Variants in ETFB observed in about 807,000 individuals in gnomAD.
The protein encoded by ETFB is electron transfer flavoprotein subunit beta.
In ETFB, 20 loss-of-function variants were observed where a neutral mutation model predicts 25.6. The observed-to-expected ratio is 0.78, with a 90% CI of 0.55 to 1.14. ETFB has a LOEUF of 1.14. ETFB is among the 50% of genes most tolerant of loss of function. The probability of loss-of-function intolerance (pLI) is 0.00; values close to 1 mark genes in which losing one functional copy is unlikely to be tolerated. For synonymous variants in ETFB, 142 were observed against 146.7 expected, an observed-to-expected ratio of 0.97 and a Z score of 0.23; for missense variants, 286 against 342.6, an observed-to-expected ratio of 0.83 and a Z score of 1.30.
chr19:51,351,652 C>T (rs1043834822), intron 3 of ETFB, among the ~76,000 whole-genome samples: 3 of 152,206 alleles, frequency 2.0e-5, no homozygotes, highest in East Asian at 1.9e-4. Flanking sequence ...GCCTGTTCTC[C>T]GGGTAGGCCC....
In ETFB at chr19:51,354,309, C is replaced by T. The variant is rs1488101114; in HGVS notation, c.58-1G>A. The T allele has an allele frequency of 1.2e-6, 2 of 1,614,038 alleles. No individual in the cohort carries two copies. The highest frequency in any genetic ancestry group is 1.7e-5 in the Admixed American group (1 of 60,008). On this transcript the variant is annotated splice_acceptor_variant, in intron 1 of 5. Coordinates refer to ENST00000309244, the MANE Select transcript of ETFB (RefSeq NM_001985.3). LOFTEE classifies it high-confidence loss of function. ...CGGTCCTGTCAGGCTTCACTCGGAT[C>T]TGCCCAGCAGGAGGGGAAGGGGTGG...
intron 3 of ETFB, among the ~76,000 whole-genome samples, chr19:51,352,224 G>A (rs2123584715): frequency 6.6e-6 from 1 of 152,086 alleles, no homozygotes; most frequent in South Asian, 2.1e-4. Context: ...AAGCCCAGGG[G>A]GGCTCTTTCT....
chr19:51,365,816 T>A (rs567210960), intron 1 of ETFB, among the ~76,000 whole-genome samples: 10 of 152,362 alleles, frequency 6.6e-5, no homozygotes, highest in African/African-American at 2.4e-4. Flanking sequence ...CACAGGACCC[T>A]GTCTGACTCC....
Position 51,354,304 on chromosome 19 carries a change from C to T in ETFB, c.62G>A (p.Arg21Gln), listed in dbSNP as rs369216610. The change falls in exon 2 of 6, where the codon CGA becomes CAA. Residue 21 changes from arginine (R) to glutamine (Q), a missense_variant. Coordinates refer to ENST00000309244, the MANE Select transcript of ETFB (RefSeq NM_001985.3). ...KRVIDYAVKI[R>Q]VKPDRTGVVT... is the part of the protein sequence containing the mutation. ...CACACCGGTCCTGTCAGGCTTCACTCGGATCTGCCCAGCAGGAGGGGAAGG... is the reference window on the plus strand; with the variant it reads ...CACACCGGTCCTGTCAGGCTTCACTTGGATCTGCCCAGCAGGAGGGGAAGG... 9.9e-6 allele frequency: 16 copies of T among 1,614,002 alleles called. No homozygotes were observed. Among genetic ancestry groups the T allele is most frequent in the Admixed American group, 6.7e-5 (4 of 60,004 alleles).
chr19:51,351,850 C>T (rs916545573), intron 3 of ETFB, among the ~76,000 whole-genome samples: 1 of 152,104 alleles, frequency 6.6e-6, no homozygotes, highest in Non-Finnish European at 1.5e-5. Flanking sequence ...CCAGCTCTAC[C>T]TGAGCCTGCT....
At chr19:51,352,836 C>G (rs1985961822) in intron 3 of ETFB, among the ~76,000 whole-genome samples, 1 of 152,080 alleles carries the variant, frequency 6.6e-6, no homozygotes, top group South Asian at 2.1e-4. Context: ...CCATGTTGGC[C>G]ACGCTAATCT....
At chr19:51,350,237 A>C in intron 4 of ETFB, 92 bp downstream of exon 4, 2 of 1,383,498 alleles carry the variant, frequency 1.4e-6, no homozygotes, top group Non-Finnish European at 2.0e-6. Context: ...TTCCAGGAGG[A>C]GAGAACAGCA....
chr19:51,355,015 TA>T (rs1454207591), intron 1 of ETFB: 2 of 262,386 alleles, frequency 7.6e-6, no homozygotes, highest in African/African-American at 4.4e-5. Context: ...CACAACTACA[TA>T]GATAACGGAG....
At chr19:51,361,008 A>T (rs893541300) in intron 1 of ETFB, among the ~76,000 whole-genome samples, 2 of 151,768 alleles carry the variant, frequency 1.3e-5, no homozygotes, top group African/African-American at 4.8e-5. Context: ...GATGGTCTCA[A>T]TCTCCTAACC....
intron 1 of ETFB, chr19:51,355,610 A>G (rs1986060341): frequency 6.6e-6 from 1 of 152,204 alleles, no homozygotes; most frequent in South Asian, 2.1e-4. Flanking sequence ...CCAAAGGATT[A>G]TAAATCATGC....
In ETFB at chr19:51,347,073, T is replaced by C. The variant is rs766809815; in HGVS notation, c.439-15A>G. 1 of 1,613,692 alleles carries C rather than the reference T, an allele frequency of 6.2e-7. No homozygotes were observed. Among genetic ancestry groups the C allele is most frequent in the South Asian group, 1.1e-5 (1 of 91,060 alleles). On this transcript the variant is annotated splice_polypyrimidine_tract_variant and intron_variant, in intron 4 of 5. Transcript: ENST00000309244. Reference sequence around the variant, plus strand: ...GCGAATGTGCCCTGGGGAGGGACAGTGTAGGAGGAGAGTGGGTGAGGCTAA... The same window carrying C: ...GCGAATGTGCCCTGGGGAGGGACAGCGTAGGAGGAGAGTGGGTGAGGCTAA...
At chr19:51,347,107 C>G in intron 4 of ETFB, 49 bp from the exon 5 acceptor site, 1 of 1,600,366 alleles carries the variant, frequency 6.2e-7, no homozygotes, top group Non-Finnish European at 8.5e-7. Flanking sequence ...AATTCAGGTC[C>G]GACCCGAGCA....
chr19:51,352,323 GC>G (rs1985950048), intron 3 of ETFB, among the ~76,000 whole-genome samples: 1 of 152,070 alleles, frequency 6.6e-6, no homozygotes, highest in East Asian at 1.9e-4. Flanking sequence ...TTTGTTTCAA[GC>G]CCAGGCCTGT....
intron 3 of ETFB, among the ~76,000 whole-genome samples, chr19:51,351,008 A>G (rs1274081415): frequency 6.6e-6 from 1 of 152,256 alleles, no homozygotes. Flanking sequence ...ACTTGGGCCC[A>G]GAGATAAGCA....
Position 51,354,449 on chromosome 19 carries a change from C to G in ETFB, c.58-141G>C, listed in dbSNP as rs769716812. On this transcript the variant is annotated intron_variant, in intron 1 of 5. Transcript: ENST00000309244. The stretch of plus-strand genomic sequence containing the variant: ...GGGCCTTGTCCGGGGTCACACAGCT[C>G]CAGGGACAGAACTGGGTTAGAGTTT... 7 of 1,613,846 alleles carry G rather than the reference C, an allele frequency of 4.3e-6. No individual in the cohort carries two copies. The African/African-American group carries it at 6.7e-5, about 15-fold the overall frequency.
chr19:51,353,166 T>A lies in ETFB; in HGVS notation c.341A>T (p.Lys114Met). ...VARVLAKLAEKEKVDLVLLGK... is the reference protein window; with the variant it reads ...VARVLAKLAEMEKVDLVLLGK... ...CAGCAGCACCAGGTCCACCTTCTCC[T>A]TCTCTGCCAGCTTGGCCAGGACCCG... Residue 114 changes from lysine to methionine, a missense_variant, in exon 3 of 6, where the codon AAG becomes ATG. Transcript: ENST00000309244. 2.5e-6 allele frequency: 4 copies of A among 1,614,126 alleles called. No individual in the cohort carries two copies. The highest frequency in any genetic ancestry group is 3.4e-6 in the Non-Finnish European group (4 of 1,179,994).
intron 1 of ETFB, chr19:51,354,905 CTG>C (rs1392190823): frequency 1.6e-5 from 7 of 445,334 alleles, no homozygotes; most frequent in African/African-American, 5.9e-5. Context: ...ATGGTGGTCT[CTG>C]TGGGAACTTG....
intron 1 of ETFB, chr19:51,356,684 C>T (rs558707442): frequency 6.6e-6 from 1 of 152,112 alleles, no homozygotes; most frequent in Admixed American, 6.5e-5. Context: ...CCACTAACCA[C>T]TCTCCTATTA....
chr19:51,363,311 G>A (rs746457768), intron 1 of ETFB, among the ~76,000 whole-genome samples: 8 of 152,102 alleles, frequency 5.3e-5, no homozygotes, highest in Non-Finnish European at 1.2e-4. Flanking sequence ...GTAAACAGAG[G>A]ATCCCAATCC....
Sources: gnomAD v4.1 joint callset for allele counts (sites outside exome capture counted in the v4.1 genomes callset) on GRCh38, gnomAD v4.1.1 for gene constraint, MANE v1.5 for transcripts, NCBI Gene and HGNC (gene_info 2026-07-23, HGNC 2026-07-21) for gene names.